Variants in TRHDE observed in about 807,000 individuals in gnomAD.
TRHDE encodes thyrotropin-releasing hormone-degrading ectoenzyme.
Under a neutral mutation model 125.7 loss-of-function variants are expected in TRHDE, and 72 were observed. That is an observed-to-expected ratio of 0.57 (90% CI 0.47 to 0.70). The LOEUF is 0.70. Ranked by LOEUF, TRHDE falls within the 30% of genes least tolerant of loss-of-function variation. The pLI, the probability that TRHDE is intolerant of heterozygous loss-of-function variation, is 0.00. For missense variants in TRHDE, 1,110 were observed against 1,327.1 expected (o/e 0.84, Z 2.54); for synonymous variants, 509 against 509.1 (o/e 1.00, Z 0.00).
intron 10 of TRHDE, among the ~76,000 whole-genome samples, chr12:72,569,264 C>T (rs1009781834): frequency 2.0e-5 from 3 of 152,196 alleles, no homozygotes; most frequent in Non-Finnish European, 2.9e-5. Context: ...TGAATCCAAA[C>T]TATAGCCTTC....
In TRHDE at chr12:72,662,901, A is replaced by G; in HGVS notation, c.3067-151A>G. The G allele has an allele frequency of 6.4e-6, 4 of 628,340 alleles. No individual in the cohort carries two copies. The South Asian group carries it at 1.0e-4, about 16-fold the overall frequency. 38.9% of individuals were successfully genotyped at this position (628,340 alleles called of 1,614,324 possible). ...TTCATTCAGTTGCCAAGCTCACTCCACAGTACTAAATATATCTTCTATAGT... is the reference window on the plus strand; with the variant it reads ...TTCATTCAGTTGCCAAGCTCACTCCGCAGTACTAAATATATCTTCTATAGT... On this transcript the variant is annotated intron_variant, in intron 18 of 18. Transcript: ENST00000261180.
At chr12:72,409,928 T>C (rs904508114) in intron 3 of TRHDE, among the ~76,000 whole-genome samples, 1 of 151,988 alleles carries the variant, frequency 6.6e-6, no homozygotes, top group Non-Finnish European at 1.5e-5. Flanking sequence ...TATCCAGGAA[T>C]AGGGCAGCAA....
In TRHDE at chr12:72,314,004, A is replaced by G. The variant is rs144446717; in HGVS notation, c.1188+27050A>G. On this transcript the variant is annotated intron_variant, in intron 2 of 18. Coordinates refer to ENST00000261180, the MANE Select transcript of TRHDE (RefSeq NM_013381.3). ...CAGGACCTGGGAGCAAGGAAAGCCT[A>G]TATGTAAATGAAGCTCATGCTGCCT... Among the ~76,000 whole-genome samples, 224 of 152,282 alleles carry G rather than the reference A, an allele frequency of 1.5e-3. 1 individual carries two copies. The highest frequency in any genetic ancestry group is 5.2e-3 in the African/African-American group (216 of 41,562).
At chr12:72,457,309 A>G (rs1220039337) in intron 3 of TRHDE, among the ~76,000 whole-genome samples, 2 of 152,126 alleles carry the variant, frequency 1.3e-5, no homozygotes, top group African/African-American at 4.8e-5. Flanking sequence ...CTATGTCATC[A>G]TATTTTCCAT....
chr12:72,560,116 T>TA (rs1592535898), intron 7 of TRHDE, among the ~76,000 whole-genome samples: 1 of 55,390 alleles, frequency 1.8e-5, no homozygotes, highest in Non-Finnish European at 4.7e-5. Flanking sequence ...GCTTTCTCTT[T>TA]TAAAAAAGGG....
At chr12:72,253,591 T>C (rs976114792) in intron 2 of TRHDE, 1 of 152,062 alleles carries the variant, frequency 6.6e-6, no homozygotes, top group African/African-American at 2.4e-5. Context: ...TGCTCACACA[T>C]CTCCTTTCCC....
intron 3 of TRHDE, among the ~76,000 whole-genome samples, chr12:72,379,312 T>G (rs1390605989): frequency 6.6e-6 from 1 of 152,252 alleles, no homozygotes; most frequent in African/African-American, 2.4e-5. Context: ...AAATATGTAC[T>G]TTTAGAATTC....
At chr12:72,286,033 T>C in intron 1 of TRHDE, among the ~76,000 whole-genome samples, 1 of 152,242 alleles carries the variant, frequency 6.6e-6, no homozygotes, top group East Asian at 1.9e-4. Flanking sequence ...TCTTTTCCTC[T>C]AAGCTGTGCA....
At chr12:72,519,607 G>A (rs1879070655) in intron 6 of TRHDE, among the ~76,000 whole-genome samples, 1 of 152,178 alleles carries the variant, frequency 6.6e-6, no homozygotes, top group African/African-American at 2.4e-5. Context: ...CAGTAGCTCG[G>A]AGTAATTTGA....
At chr12:72,152,825 A>G (rs938924778) in intron 2 of TRHDE, among the ~76,000 whole-genome samples, 7 of 152,136 alleles carry the variant, frequency 4.6e-5, no homozygotes, top group African/African-American at 1.7e-4. Flanking sequence ...TTTTTGCATC[A>G]ATGTTCATCA....
intron 3 of TRHDE, among the ~76,000 whole-genome samples, chr12:72,395,859 C>T (rs780704938): frequency 3.3e-5 from 5 of 152,154 alleles, no homozygotes; most frequent in Non-Finnish European, 5.9e-5. Context: ...TTTTCCCTCC[C>T]TTCAAACCTC....
intron 2 of TRHDE, among the ~76,000 whole-genome samples, chr12:72,236,509 T>C (rs1878341240): frequency 6.7e-6 from 1 of 149,818 alleles, no homozygotes; most frequent in Non-Finnish European, 1.5e-5. Flanking sequence ...TAGTCCTTTC[T>C]CCTCTTAAAA....
chr12:72,205,737 A>G (rs1877651700), intron 2 of TRHDE, among the ~76,000 whole-genome samples: 1 of 152,212 alleles, frequency 6.6e-6, no homozygotes, highest in Non-Finnish European at 1.5e-5. Flanking sequence ...TGTCCATACT[A>G]TATTTTCTTT....
chr12:72,511,001 A>G (rs1363750631), intron 6 of TRHDE, among the ~76,000 whole-genome samples: 1 of 152,184 alleles, frequency 6.6e-6, no homozygotes, highest in Non-Finnish European at 1.5e-5. Flanking sequence ...GTCAACATCA[A>G]GGTCAGAGTA....
chr12:72,498,507 C>T (rs1878011630), intron 5 of TRHDE, among the ~76,000 whole-genome samples: 1 of 152,076 alleles, frequency 6.6e-6, no homozygotes, highest in African/African-American at 2.4e-5. Flanking sequence ...AATGATACTC[C>T]TTAGGTCACA....
intron 3 of TRHDE, among the ~76,000 whole-genome samples, chr12:72,411,961 C>A (rs1421958228): frequency 6.6e-6 from 1 of 152,074 alleles, no homozygotes; most frequent in Non-Finnish European, 1.5e-5. Context: ...TATCTCACAC[C>A]ATATAAAAAC....
intron 2 of TRHDE, among the ~76,000 whole-genome samples, chr12:72,152,970 G>A (rs963441036): frequency 5.9e-5 from 9 of 152,148 alleles, no homozygotes; most frequent in African/African-American, 2.2e-4. Flanking sequence ...CAGAAGGAAT[G>A]GTACCAGCTC....
intron 2 of TRHDE, among the ~76,000 whole-genome samples, chr12:72,360,708 A>G (rs1045881252): frequency 5.9e-5 from 9 of 151,824 alleles, no homozygotes; most frequent in African/African-American, 9.7e-5. Context: ...AATTGAAAAT[A>G]TATTGTACAG....
At chr12:72,655,424 C>A (rs1874669318) in intron 17 of TRHDE, among the ~76,000 whole-genome samples, 1 of 152,088 alleles carries the variant, frequency 6.6e-6, no homozygotes, top group African/African-American at 2.4e-5. Context: ...CAAACCATGT[C>A]TTTTCACGTC....
Sources: allele counts gnomAD v4.1 joint callset (sites outside exome capture counted in the v4.1 genomes callset), GRCh38; gene constraint gnomAD v4.1.1; transcripts MANE v1.5; gene names NCBI Gene and HGNC (gene_info 2026-07-23, HGNC 2026-07-21).